CERS6: variants seen among roughly 807,000 people sequenced by gnomAD.
CERS6 encodes LAG1 homolog, ceramide synthase 6.
A neutral mutation model predicts 56.8 loss-of-function variants in CERS6; 26 were observed. That is an observed-to-expected ratio of 0.46 (90% CI 0.34 to 0.63). CERS6 has a LOEUF of 0.63. Among genes scored for constraint, CERS6 ranks in the 30% least tolerant of loss-of-function variants. The pLI, the probability that CERS6 is intolerant of heterozygous loss-of-function variation, is 0.01. For missense variants in CERS6, 415 were observed against 467.5 expected (o/e 0.89, Z 1.04); for synonymous variants, 164 against 173.3 (o/e 0.95, Z 0.42).
chr2:168,703,616 A>G (rs1387779516), intron 6 of CERS6, among the ~76,000 whole-genome samples: 1 of 152,150 alleles, frequency 6.6e-6, no homozygotes, highest in African/African-American at 2.4e-5. Context: ...TTGCATCAGC[A>G]TATCCTTTCT....
intron 4 of CERS6, among the ~76,000 whole-genome samples, chr2:168,650,493 T>C (rs1263779140): frequency 1.3e-5 from 2 of 152,164 alleles, no homozygotes; most frequent in Non-Finnish European, 2.9e-5. Context: ...TACCAACAAA[T>C]ACTGATTCCT....
At chr2:168,668,652 C>T (rs1275026558) in intron 4 of CERS6, among the ~76,000 whole-genome samples, 3 of 152,014 alleles carry the variant, frequency 2.0e-5, no homozygotes, top group African/African-American at 7.2e-5. Flanking sequence ...TGGGGTTTCA[C>T]CGTGTTGGCT....
intron 8 of CERS6, among the ~76,000 whole-genome samples, chr2:168,720,933 T>C (rs1465785499): frequency 2.6e-5 from 4 of 152,182 alleles, no homozygotes; most frequent in Non-Finnish European, 4.4e-5. Context: ...AATACAGTCA[T>C]GTACCATATA....
Position 168,689,579 on chromosome 2 carries a change from G to A in CERS6, c.466-1455G>A, listed in dbSNP as rs568863921. On this transcript the variant is annotated intron_variant, in intron 4 of 9. Transcript: ENST00000305747. ...TAGTTTTATGCACACGCTCTCATTT[G>A]ATCTTCACAATCACTCTGTGAGGTC... 2.0e-5 allele frequency among the ~76,000 whole-genome samples: 3 copies of A among 152,272 alleles called. No individual in the cohort carries two copies. In the East Asian group the frequency reaches 5.8e-4, roughly 29 times the overall value.
chr2:168,715,037 A>C lies in CERS6; in HGVS notation c.646A>C (p.Ile216Leu), dbSNP rs1347402652. The C allele has an allele frequency of 6.2e-7, 1 of 1,609,820 alleles. No homozygotes were observed. The highest frequency in any genetic ancestry group is 8.5e-7 in the Non-Finnish European group (1 of 1,178,104). The change falls in exon 7 of 10, where the codon ATT (isoleucine) becomes CTT (leucine). Residue 216 changes from isoleucine (I) to leucine (L), a missense_variant. Coordinates refer to ENST00000305747, the MANE Select transcript of CERS6 (RefSeq NM_203463.3). ...GIMFLHHLVSIFLITFSYVNN... is the reference protein window; with the variant it reads ...GIMFLHHLVSLFLITFSYVNN... ...TATGTTCCTGCACCACCTTGTATCT[A>C]TTTTCTTGATTACCTTTTCATATGT...
intron 8 of CERS6, among the ~76,000 whole-genome samples, chr2:168,756,812 G>A (rs116095865): frequency 3.0e-4 from 45 of 152,222 alleles, no homozygotes; most frequent in South Asian, 1.0e-3. Flanking sequence ...CCACCAACGC[G>A]ATCTGACTTG....
chr2:168,557,819 A>G (rs1213810355), intron 2 of CERS6, among the ~76,000 whole-genome samples: 1 of 152,228 alleles, frequency 6.6e-6, no homozygotes, highest in Non-Finnish European at 1.5e-5. Flanking sequence ...AAGTAAAACA[A>G]GCAAAAAACA....
intron 9 of CERS6, 103 bp from the exon 10 acceptor site, chr2:168,769,407 T>A: frequency 2.9e-6 from 3 of 1,046,462 alleles, no homozygotes; most frequent in Non-Finnish European, 2.7e-6. Context: ...TTTTTTAACA[T>A]TGGGATCTGT....
intron 4 of CERS6, among the ~76,000 whole-genome samples, chr2:168,669,243 C>A (rs1330667173): frequency 2.0e-5 from 3 of 152,170 alleles, no homozygotes; most frequent in African/African-American, 7.2e-5. Flanking sequence ...GCTGCTGGAA[C>A]TCCAGCCAGC....
chr2:168,769,063 T>TC (rs1684799082), intron 9 of CERS6, among the ~76,000 whole-genome samples: 1 of 151,732 alleles, frequency 6.6e-6, no homozygotes, highest in Non-Finnish European at 1.5e-5. Flanking sequence ...TTTTTTTTTT[T>TC]CAGTGTTCTG....
At chr2:168,610,298 G>A (rs1684156376) in intron 3 of CERS6, among the ~76,000 whole-genome samples, 1 of 152,094 alleles carries the variant, frequency 6.6e-6, no homozygotes. Flanking sequence ...TTTAGAATAG[G>A]TAAGGCTTCC....
At chr2:168,464,489 C>A (rs139321087) in intron 1 of CERS6, among the ~76,000 whole-genome samples, 3 of 152,022 alleles carry the variant, frequency 2.0e-5, no homozygotes, top group Admixed American at 1.3e-4. Context: ...TTCTTCCTCC[C>A]GACTCTTCCC....
At chr2:168,547,844 A>G (rs1695494803) in intron 2 of CERS6, 143 bp downstream of exon 2, 3 of 636,378 alleles carry the variant, frequency 4.7e-6, no homozygotes, top group Non-Finnish European at 8.5e-6. Flanking sequence ...AAGGAATGCA[A>G]GCGTAGTAGA....
intron 8 of CERS6, among the ~76,000 whole-genome samples, chr2:168,760,110 C>T (rs1684529333): frequency 6.6e-6 from 1 of 152,146 alleles, no homozygotes; most frequent in Admixed American, 6.5e-5. Context: ...CCCAGTCAGT[C>T]CTCCCTCAAA....
Position 168,717,920 on chromosome 2 carries a change from C to G in CERS6, c.787C>G (p.Leu263Val). Residue 263 changes from leucine to valine, a missense_variant, in exon 8 of 10, where the codon CTG becomes GTG. Physicochemically the swap from Leu to Val is conservative, Grantham distance 32. Coordinates refer to ENST00000305747, the MANE Select transcript of CERS6 (RefSeq NM_203463.3). Reference protein sequence around the residue: ...YAKFQKMCDLLFVMFAVVFIT... With the variant: ...YAKFQKMCDLVFVMFAVVFIT... ...CAAGTTTCAGAAAATGTGTGATCTC[C>G]TGTTTGTTATGTTTGCCGTGGTTTT... The G allele has an allele frequency of 6.2e-7, 1 of 1,613,712 alleles. No homozygotes were observed.
intron 1 of CERS6, among the ~76,000 whole-genome samples, chr2:168,482,880 TAATAA>T (rs1376315064): frequency 6.6e-6 from 1 of 152,268 alleles, no homozygotes; most frequent in African/African-American, 2.4e-5. Flanking sequence ...GAATAGCTGC[TAATAA>T]AATAGCCATC....
At chr2:168,650,666 C>T (rs13022792) in intron 4 of CERS6, among the ~76,000 whole-genome samples, 46,436 of 124,932 alleles carry the variant, frequency 0.37, 7,428 homozygotes, top group South Asian at 0.58. Flanking sequence ...ATCTGACTTC[C>T]GGTGAATTTT....
chr2:168,695,137 A>G (rs1357719286), intron 6 of CERS6, 86 bp downstream of exon 6: 1 of 960,162 alleles, frequency 1.0e-6, no homozygotes, highest in African/African-American at 1.6e-5. Context: ...AAAGGCACTC[A>G]CCCCTGTTCT....
rs150724635 is a variant in CERS6, at chr2:168,520,598, CTTTTTTT to C, written c.171-26975_171-26969del. ...TTAACTCTTTAACATTTACAATATCCTTTTTTTTTTTTTTTTTTTTTTTTTTTTTGAG... is the reference window on the plus strand; with the variant it reads ...TTAACTCTTTAACATTTACAATATCCTTTTTTTTTTTTTTTTTTTTTTGAG... On this transcript the variant is annotated intron_variant, in intron 1 of 9. Coordinates refer to ENST00000305747, the MANE Select transcript of CERS6 (RefSeq NM_203463.3). 2.1e-3 allele frequency among the ~76,000 whole-genome samples: 123 copies of C among 57,894 alleles called. 7 individuals carry two copies. Among genetic ancestry groups the C allele is most frequent in the African/African-American group, 2.6e-3 (46 of 17,608 alleles). 38.0% of individuals were successfully genotyped at this position (57,894 alleles called of 152,430 possible). A position where few individuals can be genotyped will look rare whatever the true frequency, so the allele number is the denominator to read the frequency against.
Sources: gnomAD v4.1 joint callset for allele counts (sites outside exome capture counted in the v4.1 genomes callset) on GRCh38, gnomAD v4.1.1 for gene constraint, MANE v1.5 for transcripts, NCBI Gene and HGNC (gene_info 2026-07-23, HGNC 2026-07-21) for gene names.